ICA1L: variants seen among roughly 807,000 people sequenced by gnomAD.
ICA1L encodes the protein islet cell autoantigen 1-like protein.
ICA1L carries 50 observed loss-of-function variants against 61.3 expected under a neutral mutation model. The observed-to-expected ratio is 0.82, with a 90% CI of 0.65 to 1.03. The LOEUF (loss-of-function observed/expected upper bound fraction) is 1.03. Among genes scored for constraint, ICA1L ranks in the 50% least tolerant of loss-of-function variants. The probability of loss-of-function intolerance (pLI) is 0.00; values close to 1 mark genes in which losing one functional copy is unlikely to be tolerated. For synonymous variants in ICA1L, 161 were observed against 191.3 expected, an observed-to-expected ratio of 0.84 and a Z score of 1.31; for missense variants, 508 against 556.7, an observed-to-expected ratio of 0.91 and a Z score of 0.88.
At chr2:202,805,779 G>T (rs1693208182) in intron 9 of ICA1L, among the ~76,000 whole-genome samples, 1 of 152,028 alleles carries the variant, frequency 6.6e-6, no homozygotes, top group Non-Finnish European at 1.5e-5. Context: ...TTTAAAAGGG[G>T]AGATAACTAC....
At chr2:202,864,797 T>A (rs1353497554) in intron 1 of ICA1L, among the ~76,000 whole-genome samples, 1 of 152,042 alleles carries the variant, frequency 6.6e-6, no homozygotes, top group African/African-American at 2.4e-5. Flanking sequence ...TGTGGGTGGA[T>A]CACCTGAGAT....
intron 1 of ICA1L, among the ~76,000 whole-genome samples, chr2:202,862,283 A>C (rs1172957957): frequency 5.2e-5 from 6 of 115,008 alleles, no homozygotes; most frequent in South Asian, 2.8e-4. Flanking sequence ...AAAAAAAAAA[A>C]AAAAAAAAAA....
chr2:202,820,447 G>C (rs549939558), intron 4 of ICA1L, among the ~76,000 whole-genome samples: 1 of 151,924 alleles, frequency 6.6e-6, no homozygotes, highest in Non-Finnish European at 1.5e-5. Context: ...CAATACTTTG[G>C]AAGTTATTCC....
At chr2:202,865,904 G>A (rs554276748) in intron 1 of ICA1L, among the ~76,000 whole-genome samples, 12 of 152,098 alleles carry the variant, frequency 7.9e-5, no homozygotes, top group Non-Finnish European at 1.5e-4. Flanking sequence ...TAGGATTATA[G>A]GTGTGAGCCA....
intron 1 of ICA1L, among the ~76,000 whole-genome samples, chr2:202,865,211 G>GT (rs1687460414): frequency 6.6e-6 from 1 of 151,620 alleles, no homozygotes; most frequent in African/African-American, 2.4e-5. Flanking sequence ...GCTCACATCC[G>GT]TAATCCCAGC....
intron 12 of ICA1L, among the ~76,000 whole-genome samples, chr2:202,782,597 C>T (rs1009718061): frequency 3.3e-5 from 5 of 151,766 alleles, no homozygotes; most frequent in South Asian, 2.1e-4. Context: ...TTAGTAGAGA[C>T]GGGGTTTCAC....
Position 202,773,694 on chromosome 2 carries a change from T to TA in ICA1L, c.*5838dup, listed in dbSNP as rs1574312861. On this transcript the variant is annotated 3_prime_UTR_variant, in exon 13 of 13. Transcript: ENST00000358299. ...AGATGCCCAAGAGCTATCATTAATA[T>TA]ATACAGCATATTGACTCTAGTTGCA... is the stretch of plus-strand genomic sequence containing the variant. The TA allele has an allele frequency of 3.2e-6, 3 of 934,810 alleles. No homozygotes were observed. In the East Asian group the frequency reaches 7.5e-5, roughly 23 times the overall value. 57.9% of individuals were successfully genotyped at this position (934,810 alleles called of 1,614,324 possible).
intron 2 of ICA1L, among the ~76,000 whole-genome samples, chr2:202,828,232 C>A (rs1191171572): frequency 6.7e-6 from 1 of 150,370 alleles, no homozygotes; most frequent in Non-Finnish European, 1.5e-5. Flanking sequence ...CCATTGCACT[C>A]CAGCCTGGGC....
chr2:202,817,665 CTA>C (rs1693575786), intron 5 of ICA1L, 122 bp from the exon 6 acceptor site: 1 of 487,708 alleles, frequency 2.1e-6, no homozygotes, highest in Non-Finnish European at 3.3e-6. Context: ...ATAATAAAGA[CTA>C]ATTTCTTTTC....
intron 1 of ICA1L, chr2:202,844,476 T>C (rs929909334): frequency 1.3e-5 from 2 of 152,168 alleles, no homozygotes; most frequent in Non-Finnish European, 2.9e-5. Context: ...CTACTGACAA[T>C]GGTCAAGTTT....
intron 1 of ICA1L, among the ~76,000 whole-genome samples, chr2:202,839,007 A>C (rs923046214): frequency 6.6e-6 from 1 of 152,180 alleles, no homozygotes; most frequent in Admixed American, 6.5e-5. Context: ...GCTCTGCTCC[A>C]AGATCCAAAC....
chr2:202,785,924 T>C lies in ICA1L; in HGVS notation c.1327A>G (p.Thr443Ala). 1 of 1,550,380 alleles carries C rather than the reference T, an allele frequency of 6.5e-7. No individual in the cohort carries two copies. The highest frequency in any genetic ancestry group is 8.9e-7 in the Non-Finnish European group (1 of 1,126,810). The change falls in exon 12 of 13, where the codon ACA (threonine) becomes GCA (alanine). Residue 443 changes from threonine to alanine, a missense_variant. Physicochemically the swap from Thr to Ala is moderately conservative, Grantham distance 58. Transcript: ENST00000358299. ...PVPSQSPKKL[T>A]RSPNNGNQDM... ...ATATAAATAAATAACTTACATCTTG[T>C]TAATTTCTTTGGACTCTGTGAAGGC...
chr2:202,866,978 T>C (rs1241901254), intron 1 of ICA1L, among the ~76,000 whole-genome samples: 1 of 152,012 alleles, frequency 6.6e-6, no homozygotes, highest in Admixed American at 6.6e-5. Context: ...AAGAAAAAAA[T>C]CTTTGCAACC....
chr2:202,858,804 A>G (rs1437839228), intron 1 of ICA1L, among the ~76,000 whole-genome samples: 1 of 152,186 alleles, frequency 6.6e-6, no homozygotes, highest in Non-Finnish European at 1.5e-5. Flanking sequence ...GGAACATGCT[A>G]TACAGGTTTG....
At position 202,811,731 on chromosome 2, in the gene ICA1L, A is replaced by C. The variant is rs1309439317; in HGVS notation, c.910+15T>G. 1 of 1,571,854 alleles carries C rather than the reference A, an allele frequency of 6.4e-7. No homozygotes were observed. Among genetic ancestry groups the C allele is most frequent in the Admixed American group, 1.7e-5 (1 of 57,240 alleles). On this transcript the variant is annotated intron_variant, in intron 9 of 12. Transcript: ENST00000358299. Reference sequence around the variant, plus strand: ...AAAATGTGACCATTTCAAAGTAATAAATTTACCATCTTACCTTGTTCACTC... The same window carrying C: ...AAAATGTGACCATTTCAAAGTAATACATTTACCATCTTACCTTGTTCACTC...
chr2:202,811,659 CA>C (rs35916411), intron 9 of ICA1L, 86 bp downstream of exon 9: 69,287 of 476,418 alleles, frequency 0.15, 52 homozygotes, highest in Middle Eastern at 0.18. Context: ...AAGACTGTCT[CA>C]AAAAAAAAAA....
At chr2:202,851,853 G>C (rs190755046) in intron 1 of ICA1L, among the ~76,000 whole-genome samples, 1 of 152,068 alleles carries the variant, frequency 6.6e-6, no homozygotes, top group Non-Finnish European at 1.5e-5. Flanking sequence ...CTTTGTGATG[G>C]GGTTTTTTTT....
At chr2:202,846,245 T>C (rs190182052) in intron 1 of ICA1L, among the ~76,000 whole-genome samples, 1 of 150,804 alleles carries the variant, frequency 6.6e-6, no homozygotes, top group East Asian at 1.9e-4. Flanking sequence ...CTTTTTGGTT[T>C]TTCTTTCTTT....
intron 5 of ICA1L, among the ~76,000 whole-genome samples, chr2:202,818,686 C>T (rs1360775744): frequency 6.6e-6 from 1 of 152,160 alleles, no homozygotes; most frequent in Admixed American, 6.5e-5. Flanking sequence ...AGTTTCCCTA[C>T]ACAAGCTCTT....
Sources: gnomAD v4.1 joint callset for allele counts (sites outside exome capture counted in the v4.1 genomes callset) on GRCh38, gnomAD v4.1.1 for gene constraint, MANE v1.5 for transcripts, NCBI Gene and HGNC (gene_info 2026-07-23, HGNC 2026-07-21) for gene names.